Variants in KLF8 observed in about 807,000 individuals in gnomAD.
The protein encoded by KLF8 is Krueppel-like factor 8.
In KLF8, 10 loss-of-function variants were observed where a neutral mutation model predicts 18.2. The ratio of observed to expected loss-of-function variants is 0.55; its 90% CI spans 0.34 to 0.93. KLF8 has a LOEUF of 0.93. Ranked by LOEUF, KLF8 falls within the 40% of genes least tolerant of loss-of-function variation. The pLI is 0.02. For missense variants in KLF8, 264 were observed against 277.9 expected, an observed-to-expected ratio of 0.95 and a Z score of 0.36; for synonymous variants, 109 against 97.3, an observed-to-expected ratio of 1.12 and a Z score of -0.71.
At chrX:56,188,554 A>C in the KLF8 span, among the ~76,000 whole-genome samples, 1 of 111,922 alleles carries the variant, frequency 8.9e-6, no homozygotes, top group Non-Finnish European at 1.9e-5. Flanking sequence ...AAAGAGACGC[A>C]TCACCAAGTC....
At chrX:56,063,356 G>T in the KLF8 span, among the ~76,000 whole-genome samples, 1 of 111,748 alleles carries the variant, frequency 8.9e-6, no homozygotes, top group Admixed American at 9.5e-5. Flanking sequence ...TTTCTGTGTG[G>T]TTGTTTTTTC....
chrX:56,178,377 A>G, the KLF8 span, among the ~76,000 whole-genome samples: 3 of 111,771 alleles, frequency 2.7e-5, no homozygotes, highest in African/African-American at 9.8e-5. Flanking sequence ...TAGATTCTGG[A>G]TATTAGCCTT....
the KLF8 span, among the ~76,000 whole-genome samples, chrX:56,213,456 G>C: frequency 2.0e-4 from 21 of 105,203 alleles, 1 homozygote; most frequent in Non-Finnish European, 3.3e-4. Flanking sequence ...TGAATAGCTG[G>C]GATTACAGGC....
At chrX:56,035,078 A>G in the KLF8 span, among the ~76,000 whole-genome samples, 2 of 111,655 alleles carry the variant, frequency 1.8e-5, no homozygotes, top group East Asian at 5.6e-4. Context: ...TTATCTAGCT[A>G]TAATTTTATG....
the KLF8 span, among the ~76,000 whole-genome samples, chrX:56,081,593 G>A: frequency 8.9e-6 from 1 of 112,050 alleles, no homozygotes; most frequent in African/African-American, 3.2e-5. Context: ...TCACTTTTGT[G>A]TATGATTTAG....
the KLF8 span, among the ~76,000 whole-genome samples, chrX:55,935,369 G>A: frequency 5.4e-5 from 6 of 111,829 alleles, no homozygotes; most frequent in African/African-American, 2.0e-4. Flanking sequence ...TTAGAAATGT[G>A]TGATCTCAAG....
chrX:56,011,275 C>T, the KLF8 span, among the ~76,000 whole-genome samples: 2 of 112,316 alleles, frequency 1.8e-5, no homozygotes, highest in African/African-American at 6.5e-5. Flanking sequence ...AACAGTCTCT[C>T]AGACCACAGG....
chrX:56,179,750 A>C, the KLF8 span, among the ~76,000 whole-genome samples: 1 of 111,770 alleles, frequency 8.9e-6, no homozygotes, highest in African/African-American at 3.2e-5. Context: ...TGAGATAATC[A>C]TGTGGTTTTT....
chrX:56,252,189 T>C lies in KLF8; in HGVS notation c.81+1885T>C, dbSNP rs192490124. ...CACCACGCCCAGCTAATTGTTTGTA[T>C]TTTTAGTAGAGACAGGGTTTCACCA... On this transcript the variant is annotated intron_variant, in intron 2 of 5. Coordinates refer to ENST00000468660, the MANE Select transcript of KLF8 (RefSeq NM_007250.5). Among the ~76,000 whole-genome samples, 397 of 111,237 alleles carry C rather than the reference T, an allele frequency of 3.6e-3. 2 individuals carry two copies. The highest frequency in any genetic ancestry group is 0.012 in the African/African-American group (373 of 30,593).
chrX:56,035,041 C>T, the KLF8 span, among the ~76,000 whole-genome samples: 2 of 111,566 alleles, frequency 1.8e-5, no homozygotes, highest in South Asian at 7.5e-4. Context: ...AGGCGTGAGC[C>T]ACAGCGCCCG....
In KLF8 at chrX:56,233,132, C is replaced by T; in HGVS notation, c.-203C>T. On this transcript the variant is annotated 5_prime_UTR_variant, in exon 1 of 6. Coordinates refer to ENST00000468660, the MANE Select transcript of KLF8 (RefSeq NM_007250.5). ...GCTGGGTCTGAATCGACTCCCTCCC[C>T]TTTCGACCCCCTCCTCATTTTCCAG... 2.1e-6 allele frequency: 1 copy of T among 470,832 alleles called. No individual in the cohort carries two copies. Among genetic ancestry groups the T allele is most frequent in the Non-Finnish European group, 3.7e-6 (1 of 267,301 alleles). 38.8% of individuals were successfully genotyped at this position (470,832 alleles called of 1,213,427 possible). A position where few individuals can be genotyped will look rare whatever the true frequency, so the allele number is the denominator to read the frequency against.
chrX:56,050,352 G>T, the KLF8 span, among the ~76,000 whole-genome samples: 1 of 111,525 alleles, frequency 9.0e-6, no homozygotes, highest in Non-Finnish European at 1.9e-5. Context: ...TCTTTTAATT[G>T]TGATGTTAGT....
At chrX:56,087,469 A>T in the KLF8 span, among the ~76,000 whole-genome samples, 8,574 of 110,158 alleles carry the variant, frequency 0.078, 837 homozygotes, top group African/African-American at 0.27. Context: ...GCCATGTGAC[A>T]TGCCTGTTCC....
chrX:56,043,764 C>T, the KLF8 span, among the ~76,000 whole-genome samples: 6 of 112,297 alleles, frequency 5.3e-5, no homozygotes, highest in South Asian at 3.7e-4. Context: ...TTTAGCTCAG[C>T]GAAGTTGATT....
At chrX:56,242,905 C>G (rs1008844293) in intron 1 of KLF8, 5 of 414,553 alleles carry the variant, frequency 1.2e-5, no homozygotes, top group Non-Finnish European at 1.8e-5. Context: ...GAAAGATACA[C>G]GTAAATTTAG....
the KLF8 span, among the ~76,000 whole-genome samples, chrX:55,931,054 A>T: frequency 9.0e-6 from 1 of 111,648 alleles, no homozygotes. Context: ...TTACTGCCTC[A>T]ATTTCAGAAC....
At chrX:56,221,551 ATGTTCGAATG>A in the KLF8 span, among the ~76,000 whole-genome samples, 7 of 110,580 alleles carry the variant, frequency 6.3e-5, no homozygotes, top group Non-Finnish European at 1.1e-4. Flanking sequence ...GTTCCTTCTG[ATGTTCGAATG>A]TGTTCGGAGT....
At chrX:56,063,626 T>G in the KLF8 span, among the ~76,000 whole-genome samples, 1 of 111,569 alleles carries the variant, frequency 9.0e-6, no homozygotes, top group East Asian at 2.8e-4. Flanking sequence ...TCAGGAGACA[T>G]GGGCGTCAGG....
the KLF8 span, among the ~76,000 whole-genome samples, chrX:56,202,559 T>TTCCC: frequency 1.6e-4 from 12 of 75,797 alleles, no homozygotes; most frequent in Non-Finnish European, 2.1e-4. Flanking sequence ...CCATTAACCT[T>TTCCC]CCCCCCCCCT....
Sources: allele counts gnomAD v4.1 joint callset (sites outside exome capture counted in the v4.1 genomes callset), GRCh38; gene constraint gnomAD v4.1.1; transcripts MANE v1.5; gene names NCBI Gene and HGNC (gene_info 2026-07-23, HGNC 2026-07-21).